Variants in ACLY observed in about 807,000 individuals in gnomAD.
The protein encoded by ACLY is ATP citrate lyase, also known as ATP-citrate synthase.
ACLY carries 41 observed loss-of-function variants against 133.0 expected under a neutral mutation model. That is an observed-to-expected ratio of 0.31 (90% CI 0.24 to 0.40). The LOEUF (loss-of-function observed/expected upper bound fraction) is 0.40, where lower values mean the gene tolerates loss of function less well. Ranked by LOEUF, ACLY falls within the 10% of genes least tolerant of loss-of-function variation. ACLY has a pLI of 1.00. For missense variants in ACLY, 1,046 were observed against 1,453.8 expected (o/e 0.72, Z 4.56); for synonymous variants, 495 against 549.3 (o/e 0.90, Z 1.38).
chr17:41,910,096 T>C (rs2049854101), intron 4 of ACLY, 126 bp downstream of exon 4: 9 of 947,764 alleles, frequency 9.5e-6, no homozygotes, highest in Non-Finnish European at 1.4e-5. Context: ...AGATCCTCAG[T>C]GCAGCTTCAG....
chr17:41,903,337 C>T (rs1474636718), intron 10 of ACLY, among the ~76,000 whole-genome samples: 3 of 152,178 alleles, frequency 2.0e-5, no homozygotes, highest in Non-Finnish European at 4.4e-5. Context: ...TGTGCACACA[C>T]AGCCCTGACT....
chr17:41,868,177 G>A (rs1342161950), intron 28 of ACLY, among the ~76,000 whole-genome samples: 5 of 152,008 alleles, frequency 3.3e-5, no homozygotes, highest in African/African-American at 2.4e-5. Flanking sequence ...GGTGGTTCAC[G>A]CCTGTAATCC....
At chr17:41,924,718 A>G (rs2050221756) in intron 1 of ACLY, among the ~76,000 whole-genome samples, 1 of 152,156 alleles carries the variant, frequency 6.6e-6, no homozygotes, top group African/African-American at 2.4e-5. Context: ...GCTGCCTGCC[A>G]CCAGGGAAGC....
intron 10 of ACLY, among the ~76,000 whole-genome samples, chr17:41,902,223 CTTTCT>C (rs1555631767): frequency 6.6e-6 from 1 of 152,152 alleles, no homozygotes; most frequent in Non-Finnish European, 1.5e-5. Context: ...GGGAATAGTT[CTTTCT>C]TTTGAGACAA....
chr17:41,885,580 T>C (rs1458060091), intron 18 of ACLY, among the ~76,000 whole-genome samples: 1 of 152,262 alleles, frequency 6.6e-6, no homozygotes, highest in African/African-American at 2.4e-5. Context: ...TATTATTAAC[T>C]ACAATAAAAA....
intron 25 of ACLY, 111 bp from the exon 26 acceptor site, chr17:41,869,698 G>A: frequency 1.2e-6 from 1 of 840,974 alleles, no homozygotes; most frequent in Non-Finnish European, 1.9e-6. Flanking sequence ...GGCGATTCAG[G>A]AACCTGGCCC....
At chr17:41,879,681 A>AAAAAAAAAAAAAAAAAAAAAC (rs1567889316) in intron 20 of ACLY, among the ~76,000 whole-genome samples, 1 of 127,526 alleles carries the variant, frequency 7.8e-6, no homozygotes. Context: ...AAAAAAAAAA[A>AAAAAAAAAAAAAAAAAAAAAC]AAAAAAGAAG....
chr17:41,876,984 G>A (rs1047789080), intron 22 of ACLY, among the ~76,000 whole-genome samples: 3 of 151,666 alleles, frequency 2.0e-5, no homozygotes, highest in Non-Finnish European at 4.4e-5. Context: ...CCCAGGGGAC[G>A]GGGACTGAAT....
intron 14 of ACLY, among the ~76,000 whole-genome samples, chr17:41,893,883 C>G (rs1425133184): frequency 1.3e-5 from 2 of 152,148 alleles, no homozygotes; most frequent in African/African-American, 4.8e-5. Context: ...CTGCTCAGGA[C>G]AGTGCTCTTG....
chr17:41,869,704 G>A, intron 25 of ACLY, 117 bp from the exon 26 acceptor site: 1 of 776,896 alleles, frequency 1.3e-6, no homozygotes, highest in Non-Finnish European at 2.2e-6. Context: ...TCAGGAACCT[G>A]GCCCACGTGT....
chr17:41,873,894 G>C lies in ACLY; in HGVS notation c.2559C>G (p.Ile853Met), dbSNP rs1555625542. Residue 853 changes from isoleucine to methionine, a missense_variant, in exon 23 of 29, where the codon ATC becomes ATG. This residue lies in a region of ACLY where 205 missense variants were observed against 373.3 expected (regional missense o/e 0.55). Coordinates refer to ENST00000352035, the MANE Select transcript of ACLY (RefSeq NM_001096.3). Reference sequence around the variant, plus strand: ...CCTCAGTGATGGGCATGCCCGCGTAGATGAGCTCCTGTCCTCGCTCATCGC... The same window carrying C: ...CCTCAGTGATGGGCATGCCCGCGTACATGAGCTCCTGTCCTCGCTCATCGC... ...SICDERGQEL[I>M]YAGMPITEVF... is the part of the protein sequence containing the mutation. The C allele has an allele frequency of 4.3e-6, 7 of 1,611,262 alleles. No individual in the cohort carries two copies. Among genetic ancestry groups the C allele is most frequent in the Non-Finnish European group, 5.9e-6 (7 of 1,178,104 alleles).
At chr17:41,906,775 T>C (rs1555632762) in intron 7 of ACLY, 129 bp from the exon 8 acceptor site, 3 of 799,398 alleles carry the variant, frequency 3.8e-6, no homozygotes, top group Non-Finnish European at 4.2e-6. Context: ...AAGAAGGGGC[T>C]ACGCAGGGCC....
intron 14 of ACLY, among the ~76,000 whole-genome samples, chr17:41,895,586 C>T (rs892722429): frequency 2.0e-5 from 3 of 152,330 alleles, no homozygotes; most frequent in African/African-American, 4.8e-5. Flanking sequence ...TTTTATTTCT[C>T]TCACTCCAGA....
upstream of ACLY, among the ~76,000 whole-genome samples, chr17:41,921,941 A>G (rs1663592078): frequency 1.3e-5 from 2 of 152,174 alleles, no homozygotes; most frequent in Admixed American, 1.3e-4. Flanking sequence ...CGAGCCTGTA[A>G]TCCCAGCACT....
chr17:41,921,211 T>C (rs1399658469), upstream of ACLY, among the ~76,000 whole-genome samples: 1 of 151,694 alleles, frequency 6.6e-6, no homozygotes, highest in African/African-American at 2.4e-5. Context: ...GGCAGGAGAA[T>C]TGCTTGAACC....
chr17:41,906,021 G>C (rs1250042176), intron 8 of ACLY, among the ~76,000 whole-genome samples: 1 of 152,210 alleles, frequency 6.6e-6, no homozygotes, highest in African/African-American at 2.4e-5. Flanking sequence ...AATAGTGCCA[G>C]TCACACACAG....
Position 41,880,865 on chromosome 17 carries a change from C to CAA in ACLY, c.2266-1943_2266-1942dup, listed in dbSNP as rs782218481. Among the ~76,000 whole-genome samples, 14 of 121,704 alleles carry CAA rather than the reference C, an allele frequency of 1.2e-4. No individual in the cohort carries two copies. In the South Asian group the frequency reaches 2.6e-3, roughly 23 times the overall value. 79.8% of individuals were successfully genotyped at this position (121,704 alleles called of 152,430 possible). A position where few individuals can be genotyped will look rare whatever the true frequency, so the allele number is the denominator to read the frequency against. On this transcript the variant is annotated intron_variant, in intron 20 of 28. Transcript: ENST00000352035. ...TGGGCGACAGAGCGAGACTCCGTCTCAAAAAAAAAAAAACACAAAAACCTA... is the reference window on the plus strand; with the variant it reads ...TGGGCGACAGAGCGAGACTCCGTCTCAAAAAAAAAAAAAAACACAAAAACCTA...
chr17:41,882,693 T>C (rs781855367), intron 20 of ACLY, among the ~76,000 whole-genome samples: 8 of 152,076 alleles, frequency 5.3e-5, no homozygotes, highest in Non-Finnish European at 1.0e-4. Context: ...GAACAAACCT[T>C]TCCTTCTACC....
rs1555630700 is a variant in ACLY at position 41,897,798 on chromosome 17, C to T, written c.1380G>A (p.Arg460=). The T allele has an allele frequency of 2.5e-6, 4 of 1,613,564 alleles. No homozygotes were observed. The highest frequency in any genetic ancestry group is 2.7e-5 in the African/African-American group (2 of 74,890). ...TCTTTGCAGGCGCCACCTCATCGGC[C>T]CTGGACTCAGAAAAAGATGCTGTCC... ...PSRTASFSES[R]ADEVAPAKKA... is the part of the protein sequence containing the mutation. The change falls in exon 13 of 29, where the codon AGG becomes AGA. Residue 460 remains arginine, a synonymous_variant. Transcript: ENST00000352035.
Sources: gnomAD v4.1 joint callset for allele counts (sites outside exome capture counted in the v4.1 genomes callset) on GRCh38, gnomAD v4.1.1 for gene constraint, gnomAD v4.1.1 regional missense constraint, MANE v1.5 for transcripts, NCBI Gene and HGNC (gene_info 2026-07-23, HGNC 2026-07-21) for gene names.